The following COL25A1 variants were observed in gnomAD, a reference collection of about 807,000 sequenced individuals.
COL25A1 encodes the protein collagen type XXV alpha 1 chain, also known as collagen alpha-1(XXV) chain.
In COL25A1, 103 loss-of-function variants were observed where a neutral mutation model predicts 128.4. The observed-to-expected ratio is 0.80, with a 90% CI of 0.68 to 0.94. The LOEUF is 0.94. Ranked by LOEUF, COL25A1 falls within the 40% of genes least tolerant of loss-of-function variation. The pLI, the probability that COL25A1 is intolerant of heterozygous loss-of-function variation, is 0.00. For missense variants in COL25A1, 745 were observed against 840.0 expected, an observed-to-expected ratio of 0.89 and a Z score of 1.40; for synonymous variants, 279 against 277.2, an observed-to-expected ratio of 1.01 and a Z score of -0.06.
chr4:109,214,642 T>A (rs943503846), intron 3 of COL25A1, among the ~76,000 whole-genome samples: 2 of 151,988 alleles, frequency 1.3e-5, no homozygotes, highest in Admixed American at 1.3e-4. Flanking sequence ...ACAAGTTACG[T>A]GTTGGACAGG....
chr4:109,188,574 G>A (rs1296536548), intron 3 of COL25A1, among the ~76,000 whole-genome samples: 1 of 152,124 alleles, frequency 6.6e-6, no homozygotes, highest in East Asian at 1.9e-4. Flanking sequence ...AAACTTCCAG[G>A]AAACTGTAGC....
chr4:108,922,296 T>C (rs899705739), intron 11 of COL25A1, among the ~76,000 whole-genome samples: 8 of 152,218 alleles, frequency 5.3e-5, no homozygotes, highest in Non-Finnish European at 7.3e-5. Context: ...TATCATTGTC[T>C]ATGATTCCAT....
chr4:109,253,940 AT>A (rs1310877508), intron 3 of COL25A1, among the ~76,000 whole-genome samples: 1 of 151,968 alleles, frequency 6.6e-6, no homozygotes, highest in African/African-American at 2.4e-5. Context: ...ACAAAAAATT[AT>A]CCCGGTGCGG....
chr4:109,178,529 A>G (rs970253800), intron 3 of COL25A1, among the ~76,000 whole-genome samples: 1 of 152,122 alleles, frequency 6.6e-6, no homozygotes, highest in East Asian at 1.9e-4. Flanking sequence ...TTTCTCATCT[A>G]AAAAATGGAT....
chr4:108,814,548 G>C lies in COL25A1; in HGVS notation c.1963-619C>G, dbSNP rs535195907. On this transcript the variant is annotated intron_variant, in intron 37 of 37. Coordinates refer to ENST00000399132, the MANE Select transcript of COL25A1 (RefSeq NM_198721.4). ...ACCGCAGATTTCTGGTTTCTCACCA[G>C]ATTTCTGGTTTCTCACCACAGATTT... Among the ~76,000 whole-genome samples the C allele has an allele frequency of 2.0e-5, 3 of 152,050 alleles. No individual in the cohort carries two copies. In the East Asian group the frequency reaches 5.8e-4, roughly 29 times the overall value.
chr4:108,984,042 G>C (rs886752967), intron 6 of COL25A1, among the ~76,000 whole-genome samples: 6 of 152,120 alleles, frequency 3.9e-5, no homozygotes, highest in African/African-American at 1.4e-4. Context: ...GGCGCTGATT[G>C]GTGCCTTTAC....
At chr4:108,988,260 T>C (rs1560980372) in intron 6 of COL25A1, among the ~76,000 whole-genome samples, 2 of 152,230 alleles carry the variant, frequency 1.3e-5, no homozygotes, top group Non-Finnish European at 2.9e-5. Context: ...GCCTTATACA[T>C]GGTAAATATC....
rs1491132878 is a variant in COL25A1 at position 109,239,422 on chromosome 4, ATT to A, written c.367+61159_367+61160del. Among the ~76,000 whole-genome samples the A allele has an allele frequency of 3.9e-3, 498 of 129,164 alleles. 1 individual carries two copies. The highest frequency in any genetic ancestry group is 6.3e-3 in the Admixed American group (79 of 12,580). 84.7% of individuals were successfully genotyped at this position (129,164 alleles called of 152,430 possible). On this transcript the variant is annotated intron_variant, in intron 3 of 37. Transcript: ENST00000399132. ...TATATATATATATATATATATATAT[ATT>A]TATTTATTTATTTATTTATATTGTA...
At chr4:109,226,906 G>A (rs1423444977) in intron 3 of COL25A1, among the ~76,000 whole-genome samples, 1 of 152,134 alleles carries the variant, frequency 6.6e-6, no homozygotes, top group Non-Finnish European at 1.5e-5. Flanking sequence ...TATAGCAGTT[G>A]TGAGTAGATG....
intron 6 of COL25A1, among the ~76,000 whole-genome samples, chr4:108,992,725 A>G (rs13108583): frequency 0.07 from 10,590 of 152,302 alleles, 421 homozygotes; most frequent in Non-Finnish European, 0.088. Flanking sequence ...TGAAACTGCT[A>G]AGTGTTCAGT....
intron 24 of COL25A1, among the ~76,000 whole-genome samples, chr4:108,855,191 GT>G (rs35873529): frequency 0.021 from 2,782 of 131,964 alleles, 49 homozygotes; most frequent in African/African-American, 0.049. Context: ...TGTTGTTACT[GT>G]TTTTTTTTTT....
At chr4:109,216,267 A>AGG (rs1220357647) in intron 3 of COL25A1, among the ~76,000 whole-genome samples, 5 of 130,026 alleles carry the variant, frequency 3.8e-5, no homozygotes, top group Admixed American at 2.4e-4. Context: ...GAAGGAAGGA[A>AGG]AAAAAGGAAG....
At chr4:109,106,108 T>C (rs1766404484) in intron 3 of COL25A1, among the ~76,000 whole-genome samples, 2 of 152,196 alleles carry the variant, frequency 1.3e-5, no homozygotes, top group African/African-American at 4.8e-5. Context: ...AAAAAGAATA[T>C]TGTTAATCTC....
intron 3 of COL25A1, among the ~76,000 whole-genome samples, chr4:109,066,989 A>C (rs1301515691): frequency 1.3e-5 from 2 of 152,166 alleles, no homozygotes; most frequent in Non-Finnish European, 2.9e-5. Flanking sequence ...AAATTTCACC[A>C]TGTCACTTTG....
chr4:108,870,842 G>A (rs913166504), intron 19 of COL25A1, among the ~76,000 whole-genome samples: 2 of 152,134 alleles, frequency 1.3e-5, no homozygotes, highest in African/African-American at 2.4e-5. Context: ...TGTAATGCAA[G>A]TTAATATGTT....
At chr4:109,008,007 G>A (rs1218135288) in intron 6 of COL25A1, among the ~76,000 whole-genome samples, 2 of 152,102 alleles carry the variant, frequency 1.3e-5, no homozygotes, top group African/African-American at 4.8e-5. Context: ...ATTTAATGCT[G>A]CCTTTATATT....
intron 3 of COL25A1, among the ~76,000 whole-genome samples, chr4:109,222,530 T>C (rs1335310698): frequency 6.6e-6 from 1 of 152,210 alleles, no homozygotes; most frequent in African/African-American, 2.4e-5. Flanking sequence ...AATATTAAAC[T>C]ATTTAATTTT....
At chr4:109,275,143 A>C (rs1722698122) in intron 3 of COL25A1, among the ~76,000 whole-genome samples, 1 of 152,174 alleles carries the variant, frequency 6.6e-6, no homozygotes, top group Non-Finnish European at 1.5e-5. Context: ...AGCAATGAGT[A>C]AATGTCCCCC....
intron 8 of COL25A1, among the ~76,000 whole-genome samples, chr4:108,972,596 C>A (rs1326621226): frequency 6.6e-6 from 1 of 152,142 alleles, no homozygotes; most frequent in Non-Finnish European, 1.5e-5. Context: ...TAGATTCGTA[C>A]CCATGAAGAT....
Sources: gnomAD v4.1 joint callset for allele counts (sites outside exome capture counted in the v4.1 genomes callset) on GRCh38, gnomAD v4.1.1 for gene constraint, MANE v1.5 for transcripts, NCBI Gene and HGNC (gene_info 2026-07-23, HGNC 2026-07-21) for gene names.